CCSER1: variants seen among roughly 807,000 people sequenced by gnomAD.
The protein encoded by CCSER1 is serine-rich coiled-coil domain-containing protein 1.
CCSER1 carries 41 observed loss-of-function variants against 82.0 expected under a neutral mutation model. The observed-to-expected ratio is 0.50, with a 90% CI of 0.39 to 0.65. CCSER1 has a LOEUF of 0.65. Among genes scored for constraint, CCSER1 ranks in the 30% least tolerant of loss-of-function variants. The pLI is 0.00. For synonymous variants in CCSER1, 414 were observed against 383.9 expected (o/e 1.08, Z -0.92); for missense variants, 1,119 against 1,064.2 (o/e 1.05, Z -0.72).
intron 1 of CCSER1, among the ~76,000 whole-genome samples, chr4:90,250,304 T>A (rs1273536284): frequency 6.6e-6 from 1 of 152,116 alleles, no homozygotes; most frequent in African/African-American, 2.4e-5. Context: ...TTTGTTTAAC[T>A]CAAAGTTGTT....
At chr4:91,583,811 C>T (rs1279956399) in intron 10 of CCSER1, among the ~76,000 whole-genome samples, 1 of 151,182 alleles carries the variant, frequency 6.6e-6, no homozygotes, top group African/African-American at 2.4e-5. Context: ...TGTCATATGC[C>T]CTCTGCTTTA....
chr4:90,276,520 A>G (rs1307685320), intron 1 of CCSER1, among the ~76,000 whole-genome samples: 1 of 151,224 alleles, frequency 6.6e-6, no homozygotes, highest in Non-Finnish European at 1.5e-5. Flanking sequence ...TAACTTTTGT[A>G]TTTTTAGTAG....
chr4:90,169,492 G>A (rs1731222689), intron 1 of CCSER1, among the ~76,000 whole-genome samples: 1 of 151,944 alleles, frequency 6.6e-6, no homozygotes. Flanking sequence ...TAATTGCCCT[G>A]GCCAGAACTT....
chr4:90,462,167 T>TG (rs1763011067), intron 4 of CCSER1, among the ~76,000 whole-genome samples: 1 of 152,230 alleles, frequency 6.6e-6, no homozygotes, highest in Non-Finnish European at 1.5e-5. Context: ...ATTTTGGTAT[T>TG]TACAATACCA....
chr4:90,689,346 T>C (rs1389856149), intron 6 of CCSER1, among the ~76,000 whole-genome samples: 1 of 152,046 alleles, frequency 6.6e-6, no homozygotes. Context: ...CAGTGATGGG[T>C]CAAATTGCTG....
intron 9 of CCSER1, among the ~76,000 whole-genome samples, chr4:91,074,060 C>T (rs768800701): frequency 5.3e-5 from 8 of 152,132 alleles, no homozygotes; most frequent in Admixed American, 1.3e-4. Context: ...CGACTCTTGT[C>T]GTTCTTTGGG....
intron 10 of CCSER1, among the ~76,000 whole-genome samples, chr4:91,326,597 CTT>C (rs1297262816): frequency 6.6e-6 from 1 of 152,124 alleles, no homozygotes; most frequent in East Asian, 1.9e-4. Context: ...ATGTCCTTCT[CTT>C]ATTTCAAAAC....
intron 6 of CCSER1, among the ~76,000 whole-genome samples, chr4:90,687,226 T>A (rs1283412653): frequency 6.6e-6 from 1 of 152,194 alleles, no homozygotes; most frequent in Non-Finnish European, 1.5e-5. Context: ...TCAAGTAGCT[T>A]ACTTTATTTT....
intron 1 of CCSER1, among the ~76,000 whole-genome samples, chr4:90,305,937 T>A (rs999581537): frequency 2.0e-5 from 3 of 152,196 alleles, no homozygotes; most frequent in African/African-American, 7.2e-5. Context: ...TAAGTGTACA[T>A]CTGTGGATGA....
At chr4:91,331,462 C>T (rs1173348656) in intron 10 of CCSER1, among the ~76,000 whole-genome samples, 1 of 152,110 alleles carries the variant, frequency 6.6e-6, no homozygotes, top group Non-Finnish European at 1.5e-5. Context: ...TTTCAAGCTT[C>T]TACTGGCTTG....
At chr4:91,248,329 C>A (rs2149141399) in intron 10 of CCSER1, among the ~76,000 whole-genome samples, 1 of 152,298 alleles carries the variant, frequency 6.6e-6, no homozygotes, top group Non-Finnish European at 1.5e-5. Context: ...AAGCTGCACA[C>A]AGGGATTTTC....
intron 9 of CCSER1, among the ~76,000 whole-genome samples, chr4:90,935,347 C>A (rs540013460): frequency 6.6e-6 from 1 of 152,072 alleles, no homozygotes; most frequent in Admixed American, 6.6e-5. Context: ...TGCTTCCTCT[C>A]GGGTAGTGAG....
At chr4:91,450,981 G>C (rs75992451) in intron 10 of CCSER1, among the ~76,000 whole-genome samples, 1 of 152,036 alleles carries the variant, frequency 6.6e-6, no homozygotes, top group Non-Finnish European at 1.5e-5. Context: ...AATAGACTGA[G>C]TGACCTATGA....
At chr4:91,327,072 A>G (rs553702090) in intron 10 of CCSER1, among the ~76,000 whole-genome samples, 1 of 152,266 alleles carries the variant, frequency 6.6e-6, no homozygotes, top group African/African-American at 2.4e-5. Flanking sequence ...TGGTGGATCT[A>G]TCGTTCTGGG....
At chr4:90,740,661 G>A (rs1273682017) in intron 7 of CCSER1, among the ~76,000 whole-genome samples, 6 of 152,070 alleles carry the variant, frequency 3.9e-5, no homozygotes, top group Non-Finnish European at 7.4e-5. Context: ...AAAAATAATG[G>A]CATACCTCTT....
intron 10 of CCSER1, among the ~76,000 whole-genome samples, chr4:91,237,417 T>C (rs1260733144): frequency 6.6e-6 from 1 of 151,154 alleles, no homozygotes; most frequent in Non-Finnish European, 1.5e-5. Context: ...TATATTGTCA[T>C]ATATATAAAC....
chr4:91,482,408 C>CAAAAAA (rs537828832), intron 10 of CCSER1, among the ~76,000 whole-genome samples: 1 of 69,978 alleles, frequency 1.4e-5, no homozygotes. Flanking sequence ...GACTCCGTCT[C>CAAAAAA]AAAAAAAAAA....
intron 6 of CCSER1, among the ~76,000 whole-genome samples, chr4:90,716,984 G>A (rs973230751): frequency 6.6e-6 from 1 of 152,088 alleles, no homozygotes; most frequent in South Asian, 2.1e-4. Flanking sequence ...CTCAGTGTTG[G>A]ATTTGCTCCT....
At chr4:91,325,530 G>T (rs1528573) in intron 10 of CCSER1, among the ~76,000 whole-genome samples, 116,036 of 152,084 alleles carry the variant, frequency 0.76, 44,682 homozygotes, top group East Asian at 0.88. Context: ...GATGAAGAAG[G>T]AGACCAAATC....
Sources: allele counts gnomAD v4.1 joint callset (sites outside exome capture counted in the v4.1 genomes callset), GRCh38; gene constraint gnomAD v4.1.1; transcripts MANE v1.5; gene names NCBI Gene and HGNC (gene_info 2026-07-23, HGNC 2026-07-21).